Variants in CAND1 observed in about 807,000 individuals in gnomAD.
CAND1 encodes the protein cullin associated and neddylation dissociated 1.
In CAND1, 7 loss-of-function variants were observed where a neutral mutation model predicts 108.5. That is an observed-to-expected ratio of 0.06 (90% CI 0.04 to 0.12). CAND1 has a LOEUF of 0.12. Ranked by LOEUF, CAND1 falls within the 10% of genes least tolerant of loss-of-function variation. The probability of loss-of-function intolerance (pLI) is 1.00; values close to 1 mark genes in which losing one functional copy is unlikely to be tolerated. For missense variants in CAND1, 941 were observed against 1,448.7 expected (o/e 0.65, Z 5.69); for synonymous variants, 534 against 512.0 (o/e 1.04, Z -0.58).
At chr12:67,296,066 T>G (rs1220472256) in intron 4 of CAND1, among the ~76,000 whole-genome samples, 1 of 152,210 alleles carries the variant, frequency 6.6e-6, no homozygotes, top group Admixed American at 6.5e-5. Flanking sequence ...ATATTCTAGT[T>G]TTCTAGAATA....
intron 10 of CAND1, 37 bp downstream of exon 10, chr12:67,306,634 A>G: frequency 6.7e-7 from 1 of 1,498,814 alleles, no homozygotes; most frequent in Non-Finnish European, 9.0e-7. Flanking sequence ...AAAGTTTTTT[A>G]TTGATAGTTG....
In CAND1 at chr12:67,297,869, C is replaced by T. The variant is rs773497678; in HGVS notation, c.854+16C>T. The T allele has an allele frequency of 6.8e-7, 1 of 1,475,350 alleles. No homozygotes were observed. Among genetic ancestry groups the T allele is most frequent in the South Asian group, 1.2e-5 (1 of 83,178 alleles). The allele number at this position is 1,475,350 out of a possible 1,614,324, so 91.4% of individuals were successfully genotyped here. A position where few individuals can be genotyped will look rare whatever the true frequency, so the allele number is the denominator to read the frequency against. ...TTGTAAGAAGGTAAGTTTTTAAGAT[C>T]TCTATTTTTTACAAAAAGTTTTTCC... On this transcript the variant is annotated intron_variant, in intron 6 of 14. Coordinates refer to ENST00000545606, the MANE Select transcript of CAND1 (RefSeq NM_018448.5).
At chr12:67,273,360 A>G (rs1340650555) in intron 1 of CAND1, among the ~76,000 whole-genome samples, 4 of 152,136 alleles carry the variant, frequency 2.6e-5, no homozygotes, top group Admixed American at 6.6e-5. Context: ...AATGTAGCCA[A>G]TAGATAGGGG....
chr12:67,307,586 A>G, intron 11 of CAND1, 94 bp downstream of exon 11: 1 of 755,900 alleles, frequency 1.3e-6, no homozygotes, highest in South Asian at 1.7e-5. Flanking sequence ...GAGGAATTAA[A>G]ATGCTTATAA....
At chr12:67,275,341 A>G (rs2044558906) in intron 1 of CAND1, among the ~76,000 whole-genome samples, 1 of 152,196 alleles carries the variant, frequency 6.6e-6, no homozygotes, top group Admixed American at 6.5e-5. Context: ...AGCCTGGACA[A>G]CATGGTGAAA....
chr12:67,270,027 T>G (rs1193075171), intron 1 of CAND1: 4 of 489,256 alleles, frequency 8.2e-6, no homozygotes, highest in Non-Finnish European at 7.1e-6. Flanking sequence ...AGGCCCCGTT[T>G]GCTTGTCTCA....
rs555278918 is a variant in CAND1 at position 67,281,488 on chromosome 12, C to T, written c.69-422C>T. Among the ~76,000 whole-genome samples the T allele has an allele frequency of 2.0e-5, 3 of 152,262 alleles. No homozygotes were observed. In the East Asian group the frequency reaches 5.8e-4, roughly 29 times the overall value. ...TGTTCTTAATGTTTTTGGTTAAGGG[C>T]TTCCTAGATAGAATTCAAATCTCAT... On this transcript the variant is annotated intron_variant, in intron 1 of 14. Transcript: ENST00000545606.
chr12:67,312,914 G>T lies in CAND1; in HGVS notation c.*84G>T. The T allele has an allele frequency of 1.1e-6, 1 of 872,784 alleles. No individual in the cohort carries two copies. Among genetic ancestry groups the T allele is most frequent in the Admixed American group, 2.8e-5 (1 of 36,250 alleles). 54.1% of individuals were successfully genotyped at this position (872,784 alleles called of 1,614,324 possible). A position where few individuals can be genotyped will look rare whatever the true frequency, so the allele number is the denominator to read the frequency against. ...TTAATCATAAGACATGGAAAGAGAA[G>T]TGTCTAAAAGCTTCAAAATGTTCCA... On this transcript the variant is annotated 3_prime_UTR_variant, in exon 15 of 15. Coordinates refer to ENST00000545606, the MANE Select transcript of CAND1 (RefSeq NM_018448.5).
At chr12:67,307,560 A>G in intron 11 of CAND1, 68 bp downstream of exon 11, 1 of 932,064 alleles carries the variant, frequency 1.1e-6, no homozygotes, top group South Asian at 1.5e-5. Flanking sequence ...TCTTGAACTT[A>G]GTAACTAGAA....
chr12:67,269,931 C>A, intron 1 of CAND1, 146 bp downstream of exon 1: 2 of 615,350 alleles, frequency 3.3e-6, no homozygotes, highest in South Asian at 2.1e-5. Flanking sequence ...GCTGGCCTCC[C>A]GATCCCTGCG....
chr12:67,292,011 A>G (rs1019327106), intron 2 of CAND1, among the ~76,000 whole-genome samples: 3 of 152,114 alleles, frequency 2.0e-5, no homozygotes, highest in African/African-American at 7.2e-5. Flanking sequence ...ACGGGCACAT[A>G]CCAGCAATGC....
chr12:67,314,605 A>G lies in CAND1; in HGVS notation c.*1775A>G, dbSNP rs1201116378. 6.6e-6 allele frequency: 1 copy of G among 152,230 alleles called. No homozygotes were observed. The highest frequency in any genetic ancestry group is 1.9e-4 in the East Asian group (1 of 5,198). 9.4% of individuals were successfully genotyped at this position (152,230 alleles called of 1,614,324 possible). A position where few individuals can be genotyped will look rare whatever the true frequency, so the allele number is the denominator to read the frequency against. On this transcript the variant is annotated 3_prime_UTR_variant, in exon 15 of 15. Coordinates refer to ENST00000545606, the MANE Select transcript of CAND1 (RefSeq NM_018448.5). Reference sequence around the variant, plus strand: ...GTTTTACAATAAATTACAATACTGCAGGCTCTAGGACTGAACAGGAGACTG... The same window carrying G: ...GTTTTACAATAAATTACAATACTGCGGGCTCTAGGACTGAACAGGAGACTG...
At chr12:67,307,271 C>A in intron 10 of CAND1, 126 bp from the exon 11 acceptor site, 1 of 665,910 alleles carries the variant, frequency 1.5e-6, no homozygotes, top group Admixed American at 2.4e-5. Context: ...ATAAGAAATA[C>A]CCTTCTTGGC....
intron 2 of CAND1, among the ~76,000 whole-genome samples, chr12:67,284,782 G>A (rs1274532852): frequency 6.9e-6 from 1 of 145,640 alleles, no homozygotes; most frequent in African/African-American, 2.5e-5. Flanking sequence ...CCCCGCCCCC[G>A]ACACACACAC....
intron 1 of CAND1, chr12:67,270,212 C>T (rs1338326683): frequency 6.0e-6 from 1 of 167,506 alleles, no homozygotes; most frequent in Non-Finnish European, 1.3e-5. Flanking sequence ...TCGCTGGGGC[C>T]CAAGCTGCTG....
rs1431110654 is a variant in CAND1, at chr12:67,314,561, T to A, written c.*1731T>A. On this transcript the variant is annotated 3_prime_UTR_variant, in exon 15 of 15. Coordinates refer to ENST00000545606, the MANE Select transcript of CAND1 (RefSeq NM_018448.5). ...TGTGGTATAGATGTTGTGGATATAT[T>A]TAAGTATTTGGTTACATGGTTTTAC... 1.3e-5 allele frequency: 2 copies of A among 152,214 alleles called. No individual in the cohort carries two copies. The highest frequency in any genetic ancestry group is 4.8e-5 in the African/African-American group (2 of 41,456). 9.4% of individuals were successfully genotyped at this position (152,214 alleles called of 1,614,324 possible).
intron 11 of CAND1, 83 bp downstream of exon 11, chr12:67,307,575 C>A: frequency 1.2e-5 from 10 of 805,112 alleles, no homozygotes; most frequent in African/African-American, 1.7e-5. Flanking sequence ...CTAGAAATAT[C>A]GAGGAATTAA....
intron 1 of CAND1, among the ~76,000 whole-genome samples, chr12:67,274,044 C>T (rs2044547447): frequency 6.6e-6 from 1 of 152,022 alleles, no homozygotes; most frequent in Non-Finnish European, 1.5e-5. Flanking sequence ...ATCTCTTTAC[C>T]CCCAGAACAT....
rs1231086069 is a variant in CAND1, at chr12:67,314,621, C to G, written c.*1791C>G. On this transcript the variant is annotated 3_prime_UTR_variant, in exon 15 of 15. Coordinates refer to ENST00000545606, the MANE Select transcript of CAND1 (RefSeq NM_018448.5). ...CAATACTGCAGGCTCTAGGACTGAA[C>G]AGGAGACTGACATGCATATGTTGTG... 6.6e-6 allele frequency: 1 copy of G among 152,198 alleles called. No individual in the cohort carries two copies. The allele number at this position is 152,198 out of a possible 1,614,324, so 9.4% of individuals were successfully genotyped here.
Sources: allele counts gnomAD v4.1 joint callset (sites outside exome capture counted in the v4.1 genomes callset), GRCh38; gene constraint gnomAD v4.1.1; transcripts MANE v1.5; gene names NCBI Gene and HGNC (gene_info 2026-07-23, HGNC 2026-07-21).